The following SEC11A variants were observed in gnomAD, a reference collection of about 807,000 sequenced individuals.
SEC11A encodes signal peptidase complex catalytic subunit SEC11A.
SEC11A carries 14 observed loss-of-function variants against 25.6 expected under a neutral mutation model. The observed-to-expected ratio is 0.55, with a 90% CI of 0.36 to 0.85. The LOEUF (loss-of-function observed/expected upper bound fraction) is 0.85, where lower values mean the gene tolerates loss of function less well. Among genes scored for constraint, SEC11A ranks in the 40% least tolerant of loss-of-function variants. The pLI, the probability that SEC11A is intolerant of heterozygous loss-of-function variation, is 0.01. For synonymous variants in SEC11A, 83 were observed against 76.4 expected (o/e 1.09, Z -0.45); for missense variants, 153 against 222.9 (o/e 0.69, Z 2.00).
chr15:84,681,636 A>C (rs1272442747), intron 3 of SEC11A, among the ~76,000 whole-genome samples: 3 of 152,084 alleles, frequency 2.0e-5, no homozygotes, highest in Non-Finnish European at 4.4e-5. Context: ...TCCCAAAACG[A>C]AAAAAACAAA....
At chr15:84,677,062 G>A (rs1397999475) in intron 4 of SEC11A, among the ~76,000 whole-genome samples, 4 of 152,030 alleles carry the variant, frequency 2.6e-5, no homozygotes, top group Admixed American at 1.3e-4. Context: ...CTGCACTCCA[G>A]CCTGGGTGAT....
intron 1 of SEC11A, among the ~76,000 whole-genome samples, chr15:84,712,025 G>C (rs527464131): frequency 6.6e-6 from 1 of 151,864 alleles, no homozygotes; most frequent in Non-Finnish European, 1.5e-5. Context: ...AGGATCACTC[G>C]AGCCCAGGAA....
At chr15:84,678,940 G>A (rs966455814) in intron 4 of SEC11A, among the ~76,000 whole-genome samples, 1 of 151,658 alleles carries the variant, frequency 6.6e-6, no homozygotes, top group Admixed American at 6.6e-5. Context: ...GTTGCAGTGA[G>A]CTGAGATCAT....
chr15:84,715,909 C>T (rs1898450400), intron 1 of SEC11A, 116 bp downstream of exon 1: 1 of 923,026 alleles, frequency 1.1e-6, no homozygotes, highest in African/African-American at 1.7e-5. Context: ...GCGAATGACC[C>T]GGGTATCAGA....
chr15:84,681,076 T>C (rs1188343680), intron 3 of SEC11A, among the ~76,000 whole-genome samples: 2 of 152,168 alleles, frequency 1.3e-5, no homozygotes, highest in African/African-American at 2.4e-5. Flanking sequence ...AATAATGGTA[T>C]AGAAGAATGA....
intron 1 of SEC11A, among the ~76,000 whole-genome samples, chr15:84,707,392 G>A (rs1447819795): frequency 1.3e-5 from 2 of 151,878 alleles, no homozygotes; most frequent in Non-Finnish European, 2.9e-5. Context: ...CACCATGTTG[G>A]CCAGGATGGT....
chr15:84,696,774 C>T (rs1293129429), intron 1 of SEC11A, among the ~76,000 whole-genome samples: 1 of 152,026 alleles, frequency 6.6e-6, no homozygotes, highest in Non-Finnish European at 1.5e-5. Flanking sequence ...AAAACAAAAA[C>T]CCACAGTTCA....
intron 1 of SEC11A, among the ~76,000 whole-genome samples, chr15:84,710,455 G>A (rs141394578): frequency 0.012 from 1,845 of 152,180 alleles, 36 homozygotes; most frequent in African/African-American, 0.041. Flanking sequence ...TCAACATGGT[G>A]AAACCTCGTC....
At chr15:84,713,193 C>CA (rs776219142) in intron 1 of SEC11A, among the ~76,000 whole-genome samples, 2,377 of 57,284 alleles carry the variant, frequency 0.041, 44 homozygotes, top group African/African-American at 0.093. Flanking sequence ...GACTCCGTCT[C>CA]AAAAAAAAAA....
Position 84,670,010 on chromosome 15 carries a change from G to A in SEC11A, c.*9C>T. ...ATGGCATCTTCCCAGGAACAGCAAG[G>A]CAGGCTTCTTACTCACGATGAACCA... is the stretch of plus-strand genomic sequence containing the variant. On this transcript the variant is annotated 3_prime_UTR_variant, in exon 6 of 6. Transcript: ENST00000268220. 6.2e-7 allele frequency: 1 copy of A among 1,613,404 alleles called. No homozygotes were observed. Among genetic ancestry groups the A allele is most frequent in the South Asian group, 1.1e-5 (1 of 90,980 alleles).
chr15:84,690,915 AAGAC>A (rs1357300160), intron 2 of SEC11A, among the ~76,000 whole-genome samples: 3 of 152,152 alleles, frequency 2.0e-5, no homozygotes, highest in African/African-American at 7.2e-5. Context: ...GGAATATAAA[AAGAC>A]AGAAGAATTT....
At position 84,707,121 on chromosome 15, in the gene SEC11A, T is replaced by C. The variant is rs562040132; in HGVS notation, c.51+8904A>G. Reference sequence around the variant, plus strand: ...GAAGAGCTGCTTAGTGACATTCCTCTGGGTCTCTAACCCACTTTTAGACTC... The same window carrying C: ...GAAGAGCTGCTTAGTGACATTCCTCCGGGTCTCTAACCCACTTTTAGACTC... On this transcript the variant is annotated intron_variant, in intron 1 of 5. Transcript: ENST00000268220. Among the ~76,000 whole-genome samples, 5 of 151,688 alleles carry C rather than the reference T, an allele frequency of 3.3e-5. No individual in the cohort carries two copies. The East Asian group carries it at 9.7e-4, about 29-fold the overall frequency.
rs1177019275 is a variant in SEC11A at position 84,683,230 on chromosome 15, C to T, written c.312-2398G>A. On this transcript the variant is annotated intron_variant, in intron 3 of 5. Coordinates refer to ENST00000268220, the MANE Select transcript of SEC11A (RefSeq NM_014300.4). ...AAGTCAGGAACAGCAGGAAGGAAAA[C>T]TGAATTCAACCCAGAAAACAATATC... Among the ~76,000 whole-genome samples, 3 of 152,232 alleles carry T rather than the reference C, an allele frequency of 2.0e-5. No individual in the cohort carries two copies. The East Asian group carries it at 5.8e-4, about 29-fold the overall frequency.
intron 3 of SEC11A, among the ~76,000 whole-genome samples, chr15:84,685,158 T>A (rs955316241): frequency 6.6e-6 from 1 of 152,186 alleles, no homozygotes; most frequent in Non-Finnish European, 1.5e-5. Context: ...AAAATTATTT[T>A]AAAAATTTAA....
At chr15:84,687,565 A>G in intron 3 of SEC11A, 60 bp downstream of exon 3, 1 of 1,409,428 alleles carries the variant, frequency 7.1e-7, no homozygotes, top group Non-Finnish European at 9.4e-7. Flanking sequence ...ATCAAAACTA[A>G]ATACCACAAA....
At chr15:84,674,817 CTT>C (rs1897094864) in intron 4 of SEC11A, among the ~76,000 whole-genome samples, 1 of 152,176 alleles carries the variant, frequency 6.6e-6, no homozygotes, top group Non-Finnish European at 1.5e-5. Context: ...ATCTTGGCCT[CTT>C]AAAGTGCTGA....
At chr15:84,690,088 T>A (rs1202576550) in intron 2 of SEC11A, among the ~76,000 whole-genome samples, 1 of 152,140 alleles carries the variant, frequency 6.6e-6, no homozygotes, top group Admixed American at 6.5e-5. Flanking sequence ...GGCAACACAG[T>A]GAGATCCTAT....
intron 3 of SEC11A, among the ~76,000 whole-genome samples, chr15:84,681,956 G>T (rs1897292660): frequency 6.6e-6 from 1 of 152,104 alleles, no homozygotes; most frequent in Non-Finnish European, 1.5e-5. Context: ...TGTGGTTCCA[G>T]CTGAGTTAAG....
At chr15:84,684,466 T>A (rs962729459) in intron 3 of SEC11A, among the ~76,000 whole-genome samples, 2 of 152,138 alleles carry the variant, frequency 1.3e-5, no homozygotes, top group African/African-American at 4.8e-5. Context: ...TCCCCAGCCA[T>A]GTGGAACTGT....
Sources: allele counts gnomAD v4.1 joint callset (sites outside exome capture counted in the v4.1 genomes callset), GRCh38; gene constraint gnomAD v4.1.1; transcripts MANE v1.5; gene names NCBI Gene and HGNC (gene_info 2026-07-23, HGNC 2026-07-21).